Variants in WDFY3 observed in about 807,000 individuals in gnomAD.
WDFY3 encodes the protein WD repeat and FYVE domain containing 3, also known as WD repeat and FYVE domain-containing protein 3.
A neutral mutation model predicts 409.6 loss-of-function variants in WDFY3; 66 were observed. The observed-to-expected ratio is 0.16, with a 90% CI of 0.13 to 0.20. The LOEUF is 0.20. Among genes scored for constraint, WDFY3 ranks in the 10% least tolerant of loss-of-function variants. The pLI, the probability that WDFY3 is intolerant of heterozygous loss-of-function variation, is 1.00. For synonymous variants in WDFY3, 1,521 were observed against 1,537.1 expected, an observed-to-expected ratio of 0.99 and a Z score of 0.25; for missense variants, 3,031 against 4,298.1, an observed-to-expected ratio of 0.71 and a Z score of 8.24.
At chr4:84,747,730 G>A (rs1246133493) in intron 36 of WDFY3, among the ~76,000 whole-genome samples, 1 of 151,984 alleles carries the variant, frequency 6.6e-6, no homozygotes, top group Non-Finnish European at 1.5e-5. Context: ...TTTATAAGGG[G>A]GTTTTCCCCT....
At chr4:84,810,763 G>A (rs1752357935) in intron 13 of WDFY3, among the ~76,000 whole-genome samples, 1 of 152,158 alleles carries the variant, frequency 6.6e-6, no homozygotes, top group South Asian at 2.1e-4. Context: ...GATGGTCAGA[G>A]CAGCCAAGAT....
At chr4:84,877,824 A>G (rs777712267) in intron 3 of WDFY3, among the ~76,000 whole-genome samples, 3 of 152,240 alleles carry the variant, frequency 2.0e-5, no homozygotes, top group Non-Finnish European at 2.9e-5. Flanking sequence ...GAAATGGACA[A>G]AAAAATGATT....
intron 36 of WDFY3, among the ~76,000 whole-genome samples, chr4:84,746,614 G>A (rs2149264916): frequency 6.6e-6 from 1 of 152,084 alleles, no homozygotes; most frequent in South Asian, 2.1e-4. Flanking sequence ...ACTTGTTACT[G>A]GTCCTAGTGG....
chr4:84,825,357 ATT>A (rs749043186), intron 10 of WDFY3, among the ~76,000 whole-genome samples: 83 of 125,234 alleles, frequency 6.6e-4, no homozygotes, highest in Admixed American at 7.4e-4. Flanking sequence ...AGAAGTCTCT[ATT>A]TTTTTTTTTT....
chr4:84,692,573 ATT>A (rs1054137421), intron 59 of WDFY3, among the ~76,000 whole-genome samples: 3 of 152,014 alleles, frequency 2.0e-5, no homozygotes, highest in Admixed American at 6.6e-5. Flanking sequence ...ATGAAGACAA[ATT>A]TTTTTTATCT....
At chr4:84,781,811 G>T (rs186951968) in intron 25 of WDFY3, among the ~76,000 whole-genome samples, 1 of 152,180 alleles carries the variant, frequency 6.6e-6, no homozygotes, top group Non-Finnish European at 1.5e-5. Flanking sequence ...TTGAATAAAA[G>T]AACGCTACCA....
intron 41 of WDFY3, 143 bp downstream of exon 41, chr4:84,737,041 T>A: frequency 1.3e-6 from 1 of 767,568 alleles, no homozygotes; most frequent in Non-Finnish European, 2.0e-6. Flanking sequence ...CTCAGTATAA[T>A]CATTCTAGAA....
intron 13 of WDFY3, among the ~76,000 whole-genome samples, chr4:84,813,907 G>T (rs544478785): frequency 6.6e-6 from 1 of 152,012 alleles, no homozygotes; most frequent in Non-Finnish European, 1.5e-5. Flanking sequence ...GATAAATTGC[G>T]GTGAGATTAA....
chr4:84,893,420 CTCACT>C (rs1207280995), intron 3 of WDFY3, among the ~76,000 whole-genome samples: 1 of 152,184 alleles, frequency 6.6e-6, no homozygotes, highest in Non-Finnish European at 1.5e-5. Flanking sequence ...CTGTTTTCTC[CTCACT>C]TCACTTAAGT....
rs1156740170 is a variant in WDFY3, at chr4:84,720,316, CTA to C, written c.7605+1091_7605+1092del. On this transcript the variant is annotated intron_variant, in intron 47 of 67. Coordinates refer to ENST00000295888, the MANE Select transcript of WDFY3 (RefSeq NM_014991.6). ...TAGCAAAAGAGTCAAAAAAAGCTTC[CTA>C]TGTTTGAATATTACAAACATCCAGA... 2.0e-5 allele frequency among the ~76,000 whole-genome samples: 3 copies of C among 152,164 alleles called. No individual in the cohort carries two copies. The East Asian group carries it at 5.8e-4, about 29-fold the overall frequency.
At chr4:84,775,016 T>A in intron 28 of WDFY3, 35 bp from the exon 29 acceptor site, 1 of 1,613,694 alleles carries the variant, frequency 6.2e-7, no homozygotes, top group Non-Finnish European at 8.5e-7. Flanking sequence ...CACTGTACTA[T>A]CACCTTTTCT....
chr4:84,679,841 T>TATATATATATATATATATATACACACAC (rs1235574031), intron 64 of WDFY3, among the ~76,000 whole-genome samples: 1 of 141,262 alleles, frequency 7.1e-6, no homozygotes. Flanking sequence ...TATATATATA[T>TATATATATATATATATATATACACACAC]ACACACACAC....
chr4:84,794,598 G>A lies in WDFY3; in HGVS notation c.3408C>T (p.Tyr1136=), dbSNP rs778863192. ...CTGATAGAACTATTGCAAGGCACAC[G>A]TAATGTTGCTCAGAAGAATTTGCTC... is the stretch of plus-strand genomic sequence containing the variant. ...VRRANSSEQH[Y]VCLAIVLSAK... The change falls in exon 21 of 68, where the codon TAC becomes TAT. Residue 1136 remains tyrosine (Y), a synonymous_variant. Coordinates refer to ENST00000295888, the MANE Select transcript of WDFY3 (RefSeq NM_014991.6). The A allele has an allele frequency of 1.7e-5, 28 of 1,613,938 alleles. No homozygotes were observed. The highest frequency in any genetic ancestry group is 2.0e-5 in the Non-Finnish European group (24 of 1,180,032).
chr4:84,762,223 A>G (rs1249988886), intron 32 of WDFY3, among the ~76,000 whole-genome samples: 1 of 151,588 alleles, frequency 6.6e-6, no homozygotes, highest in Non-Finnish European at 1.5e-5. Flanking sequence ...CAAATGTCCA[A>G]CAATGATAGA....
chr4:84,778,740 A>T (rs1025803296), intron 26 of WDFY3, 85 bp from the exon 27 acceptor site: 15 of 1,357,808 alleles, frequency 1.1e-5, no homozygotes, highest in Non-Finnish European at 1.5e-5. Context: ...TACACACACA[A>T]ACACACACAT....
rs775668417 is a variant in WDFY3 at position 84,733,367 on chromosome 4, A to G, written c.7221+15T>C. Reference sequence around the variant, plus strand: ...TTGAAAGAGCCATTGTGATCATTGAATTCTGCATACTCACCGCCACATTTG... The same window carrying G: ...TTGAAAGAGCCATTGTGATCATTGAGTTCTGCATACTCACCGCCACATTTG... On this transcript the variant is annotated intron_variant, in intron 44 of 67. Coordinates refer to ENST00000295888, the MANE Select transcript of WDFY3 (RefSeq NM_014991.6). 3 of 1,611,058 alleles carry G rather than the reference A, an allele frequency of 1.9e-6. No individual in the cohort carries two copies. The highest frequency in any genetic ancestry group is 2.5e-6 in the Non-Finnish European group (3 of 1,177,812).
At chr4:84,883,969 G>T (rs1320634295) in intron 3 of WDFY3, among the ~76,000 whole-genome samples, 1 of 152,032 alleles carries the variant, frequency 6.6e-6, no homozygotes, top group Non-Finnish European at 1.5e-5. Flanking sequence ...TATGTTTGTG[G>T]TGTCTCAAAA....
chr4:84,845,237 C>T (rs1402105540), intron 5 of WDFY3, among the ~76,000 whole-genome samples: 1 of 152,120 alleles, frequency 6.6e-6, no homozygotes, highest in African/African-American at 2.4e-5. Context: ...CACAGCCAAC[C>T]TTCAAAGGAA....
intron 3 of WDFY3, among the ~76,000 whole-genome samples, chr4:84,866,816 T>G (rs1761463229): frequency 6.6e-6 from 1 of 152,232 alleles, no homozygotes; most frequent in East Asian, 1.9e-4. Flanking sequence ...TCCAGTTCTT[T>G]GTGGAAAACG....
Sources: allele counts gnomAD v4.1 joint callset (sites outside exome capture counted in the v4.1 genomes callset), GRCh38; gene constraint gnomAD v4.1.1; transcripts MANE v1.5; gene names NCBI Gene and HGNC (gene_info 2026-07-23, HGNC 2026-07-21).